Variants in NFATC2IP observed in about 807,000 individuals in gnomAD.
NFATC2IP encodes the protein nuclear factor of activated T cells 2 interacting protein, also known as NFATC2-interacting protein.
Under a neutral mutation model 40.2 loss-of-function variants are expected in NFATC2IP, and 25 were observed. The observed-to-expected ratio is 0.62, with a 90% CI of 0.45 to 0.87. NFATC2IP has a LOEUF of 0.87. Ranked by LOEUF, NFATC2IP falls within the 40% of genes least tolerant of loss-of-function variation. The pLI is 0.00. For missense variants in NFATC2IP, 553 were observed against 555.6 expected (o/e 1.00, Z 0.05); for synonymous variants, 241 against 236.3 (o/e 1.02, Z -0.18).
At position 28,951,143 on chromosome 16, in the gene NFATC2IP, C is replaced by T. The variant is rs1964960882; in HGVS notation, c.132C>T (p.Asp44=). The T allele has an allele frequency of 6.5e-7, 1 of 1,546,664 alleles. No homozygotes were observed. Among genetic ancestry groups the T allele is most frequent in the Non-Finnish European group, 8.7e-7 (1 of 1,144,942 alleles). ...AQRSPSRGTL[D]VVSVDLVTDS... ...GGTCTCCATCCCGGGGCACGCTGGA[C>T]GTAGTGTCTGTGGACTTGGTCACCG... The change falls in exon 1 of 8, where the codon GAC becomes GAT. Residue 44 remains aspartate, a synonymous_variant. Transcript: ENST00000320805.
At chr16:28,961,181 A>G (rs1965081903) in intron 7 of NFATC2IP, among the ~76,000 whole-genome samples, 1 of 152,042 alleles carries the variant, frequency 6.6e-6, no homozygotes, top group South Asian at 2.1e-4. Flanking sequence ...TACAAAAATT[A>G]GCCCAGCATG....
rs1934038054 is a variant in NFATC2IP at position 28,965,215 on chromosome 16, A to G, written c.*1352A>G. ...TGGTTTCCCTTCCTGTGCATTGCCCATTTTCTCATGGAGTTTCTTATCTTT... is the reference window on the plus strand; with the variant it reads ...TGGTTTCCCTTCCTGTGCATTGCCCGTTTTCTCATGGAGTTTCTTATCTTT... On this transcript the variant is annotated 3_prime_UTR_variant, in exon 8 of 8. Transcript: ENST00000320805. 6.6e-6 allele frequency: 1 copy of G among 151,934 alleles called. No homozygotes were observed. The highest frequency in any genetic ancestry group is 1.5e-5 in the Non-Finnish European group (1 of 68,002). 9.4% of individuals were successfully genotyped at this position (151,934 alleles called of 1,614,324 possible).
intron 2 of NFATC2IP, among the ~76,000 whole-genome samples, chr16:28,953,095 G>A (rs1428701263): frequency 2.6e-5 from 4 of 151,260 alleles, no homozygotes; most frequent in African/African-American, 9.7e-5. Context: ...CTTGTTTTGA[G>A]ACAGAGTCTC....
chr16:28,963,671 G>T (rs957224102), intron 7 of NFATC2IP, 34 bp from the exon 8 acceptor site: 1 of 1,607,556 alleles, frequency 6.2e-7, no homozygotes, highest in Admixed American at 1.7e-5. Context: ...CCCCTTTCAT[G>T]TTCTGACGTC....
chr16:28,964,275 C>T lies in NFATC2IP; in HGVS notation c.*412C>T, dbSNP rs1459898050. On this transcript the variant is annotated 3_prime_UTR_variant, in exon 8 of 8. Coordinates refer to ENST00000320805, the MANE Select transcript of NFATC2IP (RefSeq NM_032815.4). Reference sequence around the variant, plus strand: ...CCTGGGATTTACACCACGCCTAGCCCAGCAGAGGCCTTAGTCCCATTTGGG... The same window carrying T: ...CCTGGGATTTACACCACGCCTAGCCTAGCAGAGGCCTTAGTCCCATTTGGG... 1.1e-5 allele frequency: 2 copies of T among 181,226 alleles called. No homozygotes were observed. The highest frequency in any genetic ancestry group is 2.4e-5 in the Non-Finnish European group (2 of 84,030). The allele number at this position is 181,226 out of a possible 1,614,324, so 11.2% of individuals were successfully genotyped here.
chr16:28,951,441 G>C, intron 1 of NFATC2IP, 43 bp downstream of exon 1: 1 of 1,371,180 alleles, frequency 7.3e-7, no homozygotes, highest in Non-Finnish European at 9.4e-7. Context: ...AGGGCCAAGG[G>C]CTTGGCCTCC....
chr16:28,958,140 T>C (rs2141644201), intron 5 of NFATC2IP, among the ~76,000 whole-genome samples: 1 of 151,540 alleles, frequency 6.6e-6, no homozygotes, highest in Admixed American at 6.6e-5. Flanking sequence ...TCCAGATTTC[T>C]GGCTTCTCTT....
In NFATC2IP at chr16:28,960,555, C is replaced by T. The variant is rs567797842; in HGVS notation, c.1101+1455C>T. Among the ~76,000 whole-genome samples, 183 of 152,212 alleles carry T rather than the reference C, an allele frequency of 1.2e-3. 1 individual carries two copies. The highest frequency in any genetic ancestry group is 4.1e-3 in the African/African-American group (170 of 41,506). On this transcript the variant is annotated intron_variant, in intron 7 of 7. Coordinates refer to ENST00000320805, the MANE Select transcript of NFATC2IP (RefSeq NM_032815.4). ...CAAAATTCCTCTCTCTCTCTCTCTGCGGACCCGTGAAATCTAGAAAATAAG... is the reference window on the plus strand; with the variant it reads ...CAAAATTCCTCTCTCTCTCTCTCTGTGGACCCGTGAAATCTAGAAAATAAG...
intron 7 of NFATC2IP, among the ~76,000 whole-genome samples, chr16:28,963,141 C>T (rs928174291): frequency 6.6e-6 from 1 of 152,174 alleles, no homozygotes; most frequent in African/African-American, 2.4e-5. Context: ...GTCTACCAGT[C>T]CCACGGCATT....
chr16:28,952,395 G>T (rs1349757760), intron 2 of NFATC2IP, 191 bp downstream of exon 2: 5 of 884,996 alleles, frequency 5.6e-6, no homozygotes, highest in Non-Finnish European at 8.3e-6. Flanking sequence ...TACATTTCTG[G>T]TGCCACCTGA....
At position 28,963,651 on chromosome 16, in the gene NFATC2IP, G is replaced by A. The variant is rs1013364344; in HGVS notation, c.1102-54G>A. 5 of 1,553,716 alleles carry A rather than the reference G, an allele frequency of 3.2e-6. No homozygotes were observed. In the African/African-American group the frequency reaches 5.4e-5, roughly 17 times the overall value. Reference sequence around the variant, plus strand: ...CCCAAGTTCCTCGTCTATCCCTACGGGATCCCCGCCCCCTTTCATGTTCTG... The same window carrying A: ...CCCAAGTTCCTCGTCTATCCCTACGAGATCCCCGCCCCCTTTCATGTTCTG... On this transcript the variant is annotated intron_variant, in intron 7 of 7. Coordinates refer to ENST00000320805, the MANE Select transcript of NFATC2IP (RefSeq NM_032815.4).
At chr16:28,958,618 A>G (rs748745195) in intron 5 of NFATC2IP, 99 bp from the exon 6 acceptor site, 1 of 1,008,534 alleles carries the variant, frequency 9.9e-7, no homozygotes, top group Non-Finnish European at 1.5e-6. Context: ...TGAGGAGCTT[A>G]GCAAGTAGCT....
chr16:28,959,251 G>A (rs1965056711), intron 7 of NFATC2IP, 151 bp downstream of exon 7: 1 of 591,968 alleles, frequency 1.7e-6, no homozygotes, highest in South Asian at 1.9e-5. Context: ...ATCCTAGGTA[G>A]TGGGAAAACC....
intron 3 of NFATC2IP, among the ~76,000 whole-genome samples, chr16:28,955,418 G>A (rs1046719753): frequency 1.3e-5 from 2 of 152,060 alleles, no homozygotes; most frequent in Non-Finnish European, 2.9e-5. Context: ...AGTGCTTGCC[G>A]TCTGTCGGAT....
intron 7 of NFATC2IP, among the ~76,000 whole-genome samples, chr16:28,963,216 C>G (rs1965106449): frequency 6.6e-6 from 1 of 152,242 alleles, no homozygotes; most frequent in Non-Finnish European, 1.5e-5. Context: ...GTCTCCAAAT[C>G]ACATCACATT....
Position 28,956,050 on chromosome 16 carries a change from G to T in NFATC2IP, c.651G>T (p.Lys217Asn). 1 of 1,614,124 alleles carries T rather than the reference G, an allele frequency of 6.2e-7. No homozygotes were observed. The highest frequency in any genetic ancestry group is 8.5e-7 in the Non-Finnish European group (1 of 1,179,990). Residue 217 changes from lysine to asparagine, a missense_variant, in exon 4 of 8, where the codon AAG becomes AAT. Lys to Asn is a moderately conservative substitution (Grantham distance 94). Transcript: ENST00000320805. Reference protein sequence around the residue: ...TKSRTHTRALKKLSEVNKRLQ... With the variant: ...TKSRTHTRALNKLSEVNKRLQ... ...GCAGAACGCATACTCGGGCACTCAA[G>T]AAGTTAAGGTGCCAAGTGCAGGGGC...
At chr16:28,952,379 A>G (rs573310138) in intron 2 of NFATC2IP, 175 bp downstream of exon 2, 1 of 998,386 alleles carries the variant, frequency 1.0e-6, no homozygotes, top group Non-Finnish European at 1.4e-6. Flanking sequence ...AGAATGTATT[A>G]ATGTATACAT....
At chr16:28,962,257 T>C (rs1308807149) in intron 7 of NFATC2IP, among the ~76,000 whole-genome samples, 2 of 152,118 alleles carry the variant, frequency 1.3e-5, no homozygotes, top group African/African-American at 4.8e-5. Flanking sequence ...AGGGAGACAC[T>C]TACTTTCATT....
At chr16:28,956,496 T>G in intron 5 of NFATC2IP, 159 bp downstream of exon 5, 1 of 601,258 alleles carries the variant, frequency 1.7e-6, no homozygotes, top group South Asian at 2.1e-5. Flanking sequence ...GCCTTCACAC[T>G]TTTTGTTTCC....
Sources: gnomAD v4.1 joint callset for allele counts (sites outside exome capture counted in the v4.1 genomes callset) on GRCh38, gnomAD v4.1.1 for gene constraint, MANE v1.5 for transcripts, NCBI Gene and HGNC (gene_info 2026-07-23, HGNC 2026-07-21) for gene names.